FAM81A: variants seen among roughly 807,000 people sequenced by gnomAD.
The protein encoded by FAM81A is family with sequence similarity 81 member A, also known as protein FAM81A.
In FAM81A, 19 loss-of-function variants were observed where a neutral mutation model predicts 46.7. That is an observed-to-expected ratio of 0.41 (90% CI 0.28 to 0.60). The LOEUF is 0.60. Among genes scored for constraint, FAM81A ranks in the 20% least tolerant of loss-of-function variants. FAM81A has a pLI of 0.34. For missense variants in FAM81A, 377 were observed against 453.5 expected (o/e 0.83, Z 1.53); for synonymous variants, 183 against 152.9 (o/e 1.20, Z -1.45).
intron 4 of FAM81A, among the ~76,000 whole-genome samples, chr15:59,501,641 G>C (rs1226851451): frequency 2.0e-5 from 3 of 152,072 alleles, no homozygotes; most frequent in African/African-American, 7.2e-5. Flanking sequence ...TAGACGTTTG[G>C]GACTCTCTAG....
chr15:59,426,002 T>A (rs2081193095), intron 2 of FAM81A, among the ~76,000 whole-genome samples: 1 of 152,212 alleles, frequency 6.6e-6, no homozygotes, highest in South Asian at 2.1e-4. Flanking sequence ...TTAAAATATA[T>A]TTGGAACAAT....
chr15:59,507,076 A>T, intron 4 of FAM81A, 137 bp from the exon 5 acceptor site: 1 of 1,159,136 alleles, frequency 8.6e-7, no homozygotes, highest in Non-Finnish European at 1.2e-6. Flanking sequence ...CTTGGAATTC[A>T]TTTGAACCTC....
chr15:59,506,760 A>T lies in FAM81A; in HGVS notation c.414-453A>T, dbSNP rs183876503. The stretch of plus-strand genomic sequence containing the variant: ...TGGCTGCAAAGCCTTCCCCTGCTCT[A>T]CACCCTACTCATACTATACAGCCTT... On this transcript the variant is annotated intron_variant, in intron 4 of 8. Transcript: ENST00000288228. Among the ~76,000 whole-genome samples, 30 of 152,314 alleles carry T rather than the reference A, an allele frequency of 2.0e-4. 1 individual carries two copies. Among genetic ancestry groups the T allele is most frequent in the Admixed American group, 1.9e-3 (29 of 15,296 alleles).
chr15:59,483,368 C>G (rs2081878283), intron 3 of FAM81A, among the ~76,000 whole-genome samples: 2 of 151,978 alleles, frequency 1.3e-5, no homozygotes, highest in East Asian at 1.9e-4. Context: ...GTCAGTGCCT[C>G]AAGCAGGTTT....
intron 2 of FAM81A, among the ~76,000 whole-genome samples, chr15:59,426,926 C>A (rs1197528208): frequency 1.3e-5 from 2 of 152,200 alleles, no homozygotes; most frequent in African/African-American, 4.8e-5. Flanking sequence ...TAGCATTAAG[C>A]ATTGCCTTTT....
At chr15:59,503,557 A>G (rs1301310634) in intron 4 of FAM81A, among the ~76,000 whole-genome samples, 1 of 151,926 alleles carries the variant, frequency 6.6e-6, no homozygotes, top group Admixed American at 6.6e-5. Flanking sequence ...TCTATGTACT[A>G]TAAGTCAATG....
At chr15:59,408,928 A>G (rs2081108289) in intron 2 of FAM81A, 1 of 152,264 alleles carries the variant, frequency 6.6e-6, no homozygotes, top group Non-Finnish European at 1.5e-5. Context: ...GCAGTGAGTT[A>G]TCTCACTTTG....
intron 4 of FAM81A, among the ~76,000 whole-genome samples, chr15:59,502,494 T>A (rs1271575249): frequency 6.7e-6 from 1 of 149,086 alleles, no homozygotes; most frequent in African/African-American, 2.5e-5. Context: ...ACTGTGTGTG[T>A]GTGTGTGTGT....
chr15:59,427,886 C>T (rs141116942), intron 2 of FAM81A, among the ~76,000 whole-genome samples: 266 of 152,306 alleles, frequency 1.7e-3, no homozygotes, highest in African/African-American at 6.2e-3. Flanking sequence ...GATATCTCTT[C>T]GATATACTGA....
intron 3 of FAM81A, 21 bp from the exon 4 acceptor site, chr15:59,492,250 A>T: frequency 6.4e-7 from 1 of 1,559,678 alleles, no homozygotes; most frequent in Non-Finnish European, 8.8e-7. Flanking sequence ...TGACTCCCTT[A>T]GTGTTTTTTA....
chr15:59,411,479 A>T (rs2141539107), intron 2 of FAM81A, among the ~76,000 whole-genome samples: 1 of 152,336 alleles, frequency 6.6e-6, no homozygotes, highest in East Asian at 1.9e-4. Flanking sequence ...ATCAGAATGT[A>T]TACAGTAGCC....
At chr15:59,483,747 A>G (rs1257559771) in intron 3 of FAM81A, among the ~76,000 whole-genome samples, 1 of 152,176 alleles carries the variant, frequency 6.6e-6, no homozygotes, top group Non-Finnish European at 1.5e-5. Flanking sequence ...TCTGTTCCCA[A>G]TCCAGGTGCT....
chr15:59,451,668 G>C (rs2081420516), intron 1 of FAM81A, among the ~76,000 whole-genome samples: 1 of 152,056 alleles, frequency 6.6e-6, no homozygotes, highest in East Asian at 1.9e-4. Flanking sequence ...GGTCAGGCTG[G>C]TGTTGAACTC....
Position 59,488,117 on chromosome 15 carries a change from T to C in FAM81A, c.295-4154T>C, listed in dbSNP as rs566333928. On this transcript the variant is annotated intron_variant, in intron 3 of 8. Transcript: ENST00000288228. ...CCAGGGATGCAAAGATGGTTCAACA[T>C]ATGCAAATCAATCAGTGTGATACAT... 3.5e-3 allele frequency among the ~76,000 whole-genome samples: 536 copies of C among 152,294 alleles called. 1 individual carries two copies. Among genetic ancestry groups the C allele is most frequent in the Middle Eastern group, 0.017 (5 of 294 alleles).
chr15:59,422,926 G>C (rs1488817099), intron 2 of FAM81A, among the ~76,000 whole-genome samples: 1 of 152,206 alleles, frequency 6.6e-6, no homozygotes, highest in Non-Finnish European at 1.5e-5. Flanking sequence ...TTTCTTAACT[G>C]TATGAATATT....
intron 4 of FAM81A, among the ~76,000 whole-genome samples, chr15:59,494,843 A>T (rs186473301): frequency 2.7e-4 from 41 of 152,242 alleles, no homozygotes; most frequent in Admixed American, 1.8e-3. Flanking sequence ...TCCATTGGTG[A>T]TGTAATTAGT....
intron 3 of FAM81A, among the ~76,000 whole-genome samples, chr15:59,472,364 C>T (rs1474781499): frequency 6.6e-6 from 1 of 152,088 alleles, no homozygotes; most frequent in Non-Finnish European, 1.5e-5. Context: ...CCAAACCAAA[C>T]CAAAACATAA....
chr15:59,513,387 C>T (rs191527961), intron 6 of FAM81A, among the ~76,000 whole-genome samples: 4 of 152,216 alleles, frequency 2.6e-5, no homozygotes, highest in African/African-American at 7.2e-5. Context: ...GACACTGTGT[C>T]CTCTGAGCCA....
chr15:59,497,981 T>G (rs139793841), intron 4 of FAM81A, among the ~76,000 whole-genome samples: 1 of 152,198 alleles, frequency 6.6e-6, no homozygotes, highest in East Asian at 1.9e-4. Context: ...CTCAGCTTCC[T>G]GAGTAGCTGG....
Sources: allele counts gnomAD v4.1 joint callset (sites outside exome capture counted in the v4.1 genomes callset), GRCh38; gene constraint gnomAD v4.1.1; transcripts MANE v1.5; gene names NCBI Gene and HGNC (gene_info 2026-07-23, HGNC 2026-07-21).